Variants in ABCA5 observed in about 807,000 individuals in gnomAD.
ABCA5 encodes ATP binding cassette subfamily A member 5.
In ABCA5, 163 loss-of-function variants were observed where a neutral mutation model predicts 206.0. The ratio of observed to expected loss-of-function variants is 0.79; its 90% CI spans 0.70 to 0.90. The LOEUF (loss-of-function observed/expected upper bound fraction) is 0.90, where lower values mean the gene tolerates loss of function less well. Among genes scored for constraint, ABCA5 ranks in the 40% least tolerant of loss-of-function variants. The pLI is 0.00. For missense variants in ABCA5, 1,859 were observed against 1,912.9 expected (o/e 0.97, Z 0.53); for synonymous variants, 609 against 613.8 (o/e 0.99, Z 0.11).
At chr17:69,302,186 A>G (rs4310935) in intron 8 of ABCA5, among the ~76,000 whole-genome samples, 59,478 of 151,610 alleles carry the variant, frequency 0.39, 12,478 homozygotes, top group Middle Eastern at 0.51. Context: ...GACTTCTTCC[A>G]TTTAGAACCT....
chr17:69,300,271 T>C (rs1183663829), intron 9 of ABCA5, among the ~76,000 whole-genome samples: 4 of 152,164 alleles, frequency 2.6e-5, no homozygotes, highest in East Asian at 1.9e-4. Flanking sequence ...TTCATACTCC[T>C]ATGAGAATTG....
At position 69,317,505 on chromosome 17, in the gene ABCA5, A is replaced by C. The variant is rs561464088; in HGVS notation, c.-15-3075T>G. Among the ~76,000 whole-genome samples the C allele has an allele frequency of 2.0e-5, 3 of 152,220 alleles. No homozygotes were observed. The Middle Eastern group carries it at 0.01, about 518-fold the overall frequency. On this transcript the variant is annotated intron_variant, in intron 1 of 38. Coordinates refer to ENST00000392676, the MANE Select transcript of ABCA5 (RefSeq NM_172232.4). ...GTGAAAGTCAGACTAAAAATGTCAA[A>C]TGTTATATGATTCCCTTTATAGGAA...
At chr17:69,280,775 A>C in intron 18 of ABCA5, among the ~76,000 whole-genome samples, 1 of 151,870 alleles carries the variant, frequency 6.6e-6, no homozygotes, top group Non-Finnish European at 1.5e-5. Context: ...TCAGTAAACT[A>C]TTGCAAGAAC....
At chr17:69,317,809 G>C (rs1292225560) in intron 1 of ABCA5, 1 of 152,180 alleles carries the variant, frequency 6.6e-6, no homozygotes, top group Admixed American at 6.5e-5. Flanking sequence ...CGATTCTTCA[G>C]AGGTTTCATT....
intron 1 of ABCA5, among the ~76,000 whole-genome samples, chr17:69,325,124 A>T (rs1353468179): frequency 7.1e-6 from 1 of 141,260 alleles, no homozygotes; most frequent in Admixed American, 7.5e-5. Context: ...GGCAACATAG[A>T]GAGACACTGT....
chr17:69,311,075 T>C (rs1029648519), intron 3 of ABCA5, among the ~76,000 whole-genome samples: 1 of 152,036 alleles, frequency 6.6e-6, no homozygotes, highest in Non-Finnish European at 1.5e-5. Context: ...GCACCTGTAG[T>C]CCCAGCTACT....
Position 69,291,749 on chromosome 17 carries a change from T to G in ABCA5, c.1496-423A>C, listed in dbSNP as rs550416311. 5.9e-5 allele frequency among the ~76,000 whole-genome samples: 9 copies of G among 152,124 alleles called. No homozygotes were observed. The East Asian group carries it at 1.5e-3, about 26-fold the overall frequency. ...GATTTAATGAAGCAATATCACTGAA[T>G]GGATATGTAAAGGAATGAAGGAAGA... On this transcript the variant is annotated intron_variant, in intron 11 of 38. Coordinates refer to ENST00000392676, the MANE Select transcript of ABCA5 (RefSeq NM_172232.4).
rs894475139 is a variant in ABCA5 at position 69,261,586 on chromosome 17, G to A, written c.3429+49C>T. On this transcript the variant is annotated intron_variant, in intron 25 of 38. Transcript: ENST00000392676. The stretch of plus-strand genomic sequence containing the variant: ...TTAGTATAATCAGGAAAGAATTCAT[G>A]TTAATTAAACTGCTATGGAAAGTTG... 1.1e-5 allele frequency: 9 copies of A among 855,324 alleles called. No homozygotes were observed. The Admixed American group carries it at 1.6e-4, about 15-fold the overall frequency. The allele number at this position is 855,324 out of a possible 1,614,324, so 53.0% of individuals were successfully genotyped here.
At position 69,266,861 on chromosome 17, in the gene ABCA5, T is replaced by A. The variant is rs1042535647; in HGVS notation, c.3144+1082A>T. Among the ~76,000 whole-genome samples, 88 of 150,280 alleles carry A rather than the reference T, an allele frequency of 5.9e-4. 1 individual carries two copies. Among genetic ancestry groups the A allele is most frequent in the Admixed American group, 1.3e-3 (19 of 15,058 alleles). ...ATTTTTATTAGAATGTATTTATTTA[T>A]TTTATTTATTTATTTATTTATTTAT... On this transcript the variant is annotated intron_variant, in intron 23 of 38. Coordinates refer to ENST00000392676, the MANE Select transcript of ABCA5 (RefSeq NM_172232.4).
rs779075794 is a variant in ABCA5, at chr17:69,261,673, A to C, written c.3391T>G (p.Leu1131Val). The stretch of plus-strand genomic sequence containing the variant: ...AATGACCAAAATTCTTTGGTATTTA[A>C]AATTTTCTTAAAGGTGAAAGAAGCA... Reference protein sequence around the residue: ...YIASFTFKKILNTKEFWSFIY... With the variant: ...YIASFTFKKIVNTKEFWSFIY... The change falls in exon 25 of 39, where the codon TTA becomes GTA. Residue 1131 changes from leucine to valine, a missense_variant. Leu to Val is a conservative substitution (Grantham distance 32, BLOSUM62 1). Transcript: ENST00000392676. 1.7e-5 allele frequency: 25 copies of C among 1,505,682 alleles called. No individual in the cohort carries two copies. The highest frequency in any genetic ancestry group is 2.1e-5 in the Non-Finnish European group (24 of 1,116,744). The allele number at this position is 1,505,682 out of a possible 1,614,324, so 93.3% of individuals were successfully genotyped here. A position where few individuals can be genotyped will look rare whatever the true frequency, so the allele number is the denominator to read the frequency against.
intron 14 of ABCA5, among the ~76,000 whole-genome samples, chr17:69,288,907 T>C (rs1489555463): frequency 6.6e-6 from 1 of 152,050 alleles, no homozygotes; most frequent in Non-Finnish European, 1.5e-5. Flanking sequence ...ACTCAGGAGA[T>C]GGGTGCACTA....
At chr17:69,262,426 C>T (rs959170012) in intron 24 of ABCA5, among the ~76,000 whole-genome samples, 1 of 152,004 alleles carries the variant, frequency 6.6e-6, no homozygotes, top group Non-Finnish European at 1.5e-5. Flanking sequence ...CTACTGTTGC[C>T]ATTTTTATGT....
chr17:69,272,759 A>G (rs2075286893), intron 20 of ABCA5, among the ~76,000 whole-genome samples: 1 of 152,186 alleles, frequency 6.6e-6, no homozygotes, highest in African/African-American at 2.4e-5. Flanking sequence ...TCATTTATCC[A>G]TCAATAAATA....
chr17:69,310,135 T>C (rs2075755450), intron 3 of ABCA5, among the ~76,000 whole-genome samples: 1 of 152,160 alleles, frequency 6.6e-6, no homozygotes, highest in African/African-American at 2.4e-5. Context: ...AACTAAAAAA[T>C]AACTTCGTTA....
chr17:69,249,592 T>A (rs2074988979), intron 37 of ABCA5: 2 of 310,330 alleles, frequency 6.4e-6, no homozygotes, highest in Non-Finnish European at 1.2e-5. Flanking sequence ...TGTGATAAAC[T>A]GTGTCAATGC....
chr17:69,254,695 T>C (rs963537808), intron 31 of ABCA5, among the ~76,000 whole-genome samples: 2 of 152,122 alleles, frequency 1.3e-5, no homozygotes, highest in African/African-American at 2.4e-5. Flanking sequence ...TTTTTCTTTT[T>C]TGAATTTTAG....
chr17:69,287,837 A>T, intron 14 of ABCA5, 86 bp from the exon 15 acceptor site: 1 of 1,200,762 alleles, frequency 8.3e-7, no homozygotes, highest in Non-Finnish European at 1.1e-6. Flanking sequence ...AAACTGCCCC[A>T]TTTCAAATTA....
intron 18 of ABCA5, among the ~76,000 whole-genome samples, chr17:69,278,192 T>G (rs2075354724): frequency 6.6e-6 from 1 of 151,960 alleles, no homozygotes; most frequent in African/African-American, 2.4e-5. Flanking sequence ...TGGCTGAACT[T>G]CACAAATGTC....
intron 33 of ABCA5, 42 bp downstream of exon 33, chr17:69,253,752 T>C (rs1438041285): frequency 1.3e-6 from 2 of 1,582,956 alleles, no homozygotes; most frequent in Admixed American, 1.7e-5. Flanking sequence ...TACTAAACTA[T>C]CAATAAAAAT....
Sources: gnomAD v4.1 joint callset for allele counts (sites outside exome capture counted in the v4.1 genomes callset) on GRCh38, gnomAD v4.1.1 for gene constraint, MANE v1.5 for transcripts, NCBI Gene and HGNC (gene_info 2026-07-23, HGNC 2026-07-21) for gene names.